ZEB1: variants seen among roughly 807,000 people sequenced by gnomAD.
ZEB1 encodes the protein zinc finger E-box-binding homeobox 1.
ZEB1 carries 21 observed loss-of-function variants against 84.9 expected under a neutral mutation model. That is an observed-to-expected ratio of 0.25 (90% CI 0.18 to 0.36). ZEB1 has a LOEUF of 0.36. Among genes scored for constraint, ZEB1 ranks in the 10% least tolerant of loss-of-function variants. ZEB1 has a pLI of 1.00. For synonymous variants in ZEB1, 420 were observed against 471.1 expected, an observed-to-expected ratio of 0.89 and a Z score of 1.41; for missense variants, 1,104 against 1,330.2, an observed-to-expected ratio of 0.83 and a Z score of 2.65.
chr10:31,326,354 A>G (rs1181322986), intron 1 of ZEB1, among the ~76,000 whole-genome samples: 5 of 152,088 alleles, frequency 3.3e-5, no homozygotes, highest in African/African-American at 7.2e-5. Flanking sequence ...TTAAGTTGCT[A>G]TTTGCTCCTA....
At chr10:31,391,427 A>T (rs917452243) in intron 1 of ZEB1, among the ~76,000 whole-genome samples, 1 of 152,012 alleles carries the variant, frequency 6.6e-6, no homozygotes, top group African/African-American at 2.4e-5. Context: ...GTTGGTGGTG[A>T]TGGTGGAGTT....
At chr10:31,325,457 A>G (rs957041976) in intron 1 of ZEB1, among the ~76,000 whole-genome samples, 1 of 152,074 alleles carries the variant, frequency 6.6e-6, no homozygotes, top group East Asian at 1.9e-4. Context: ...ATCTGTCCAT[A>G]TGCACATTTC....
intron 3 of ZEB1, among the ~76,000 whole-genome samples, chr10:31,497,108 T>C (rs934916750): frequency 5.9e-5 from 9 of 152,222 alleles, no homozygotes; most frequent in African/African-American, 2.2e-4. Flanking sequence ...CTATAGAATA[T>C]GTAAAATATT....
rs369359475 is a variant in ZEB1, at chr10:31,410,875, G to T, written c.59-50162G>T. On this transcript the variant is annotated intron_variant, in intron 1 of 8. Transcript: ENST00000424869. The stretch of plus-strand genomic sequence containing the variant: ...TATCCCCTTTATCATTTTTTATTGT[G>T]TCTGTTTGATTCTTCTCTATTAGTC... 7.8e-4 allele frequency among the ~76,000 whole-genome samples: 118 copies of T among 152,054 alleles called. 2 individuals are homozygous for T. The East Asian group carries it at 0.015, about 19-fold the overall frequency.
chr10:31,504,044 A>G (rs1260114320), intron 4 of ZEB1, among the ~76,000 whole-genome samples: 2 of 151,788 alleles, frequency 1.3e-5, no homozygotes, highest in Admixed American at 1.3e-4. Flanking sequence ...GCCTACCCAA[A>G]TGTCCTGAGT....
chr10:31,440,053 T>G (rs774678951), intron 1 of ZEB1, among the ~76,000 whole-genome samples: 19 of 152,154 alleles, frequency 1.2e-4, no homozygotes, highest in Non-Finnish European at 2.2e-4. Flanking sequence ...AGGTAGTTAG[T>G]GGCAGGGAAT....
intron 2 of ZEB1, among the ~76,000 whole-genome samples, chr10:31,475,976 A>T (rs1295207442): frequency 1.3e-5 from 2 of 152,104 alleles, no homozygotes; most frequent in Non-Finnish European, 2.9e-5. Flanking sequence ...TATTCCATTT[A>T]AAAAATAAAC....
intron 2 of ZEB1, among the ~76,000 whole-genome samples, chr10:31,466,561 A>G (rs1329787967): frequency 6.6e-6 from 1 of 152,214 alleles, no homozygotes; most frequent in Non-Finnish European, 1.5e-5. Flanking sequence ...TCTTGAAACA[A>G]ACAAAAATGG....
chr10:31,362,909 G>C, intron 1 of ZEB1: 1 of 1,443,584 alleles, frequency 6.9e-7, no homozygotes, highest in South Asian at 1.2e-5. Context: ...ATGTTCTTAC[G>C]CATGTTGCCA....
intron 1 of ZEB1, among the ~76,000 whole-genome samples, chr10:31,338,871 T>A: frequency 6.6e-6 from 1 of 152,186 alleles, no homozygotes; most frequent in East Asian, 1.9e-4. Flanking sequence ...ATAAATTTGA[T>A]ATTTATACAT....
At chr10:31,404,300 T>C (rs1294047038) in intron 1 of ZEB1, among the ~76,000 whole-genome samples, 1 of 152,100 alleles carries the variant, frequency 6.6e-6, no homozygotes, top group African/African-American at 2.4e-5. Context: ...TGAATAGTTT[T>C]TTGTTAATAA....
intron 4 of ZEB1, 45 bp downstream of exon 4, chr10:31,502,554 T>C (rs192044438): frequency 6.2e-7 from 1 of 1,612,548 alleles, no homozygotes; most frequent in Non-Finnish European, 8.5e-7. Context: ...CTTTAAAGGA[T>C]TCTTGTTTCT....
At chr10:31,346,382 T>G (rs1435593805) in intron 1 of ZEB1, among the ~76,000 whole-genome samples, 1 of 152,172 alleles carries the variant, frequency 6.6e-6, no homozygotes. Context: ...GTGGAAACTT[T>G]AGACCCAAAA....
chr10:31,414,572 T>A (rs949476903), intron 1 of ZEB1, among the ~76,000 whole-genome samples: 2 of 152,216 alleles, frequency 1.3e-5, no homozygotes, highest in African/African-American at 4.8e-5. Flanking sequence ...ATTTTAGTTA[T>A]GAAATTTACT....
rs575835637 is a variant in ZEB1, at chr10:31,385,768, C to T, written c.58+66476C>T. ...GTCTCGAACTCCTGACCTCGTAATC[C>T]GCCAGCCTCAGCCTCTCAAAGTGCT... On this transcript the variant is annotated intron_variant, in intron 1 of 8. Transcript: ENST00000424869. Among the ~76,000 whole-genome samples, 32 of 152,132 alleles carry T rather than the reference C, an allele frequency of 2.1e-4. No individual in the cohort carries two copies. In the East Asian group the frequency reaches 3.7e-3, roughly 17 times the overall value.
Position 31,526,863 on chromosome 10 carries a change from G to T in ZEB1, c.2977G>T (p.Glu993Ter), listed in dbSNP as rs1319631948. 6.2e-7 allele frequency: 1 copy of T among 1,614,164 alleles called. No homozygotes were observed. Residue 993 changes from glutamate to a stop codon, truncating the protein, a stop_gained, in exon 9 of 9, where the codon GAA (glutamate) becomes TAA (stop). Transcript: ENST00000424869. LOFTEE classifies it low-confidence loss of function (END_TRUNC). The stretch of plus-strand genomic sequence containing the variant: ...CTCCTACTGTAAGAGAGAAGCGGAA[G>T]AACGTGACAGCACAGAGCAGGAAGA... The part of the protein sequence containing the change: ...RYSYCKREAE[E>*]RDSTEQEEAG...
chr10:31,453,998 T>A lies in ZEB1; in HGVS notation c.59-7039T>A, dbSNP rs111435830. Among the ~76,000 whole-genome samples, 104 of 152,104 alleles carry A rather than the reference T, an allele frequency of 6.8e-4. 2 individuals are homozygous for A. The highest frequency in any genetic ancestry group is 2.4e-3 in the African/African-American group (101 of 41,492). ...CCAGTATCCCTGATGAACATCGATG[T>A]GAAAATCCTCAATAAAATACTGGCA... On this transcript the variant is annotated intron_variant, in intron 1 of 8. Coordinates refer to ENST00000424869, the MANE Select transcript of ZEB1 (RefSeq NM_001174096.2).
chr10:31,472,221 C>A (rs1379787016), intron 2 of ZEB1, among the ~76,000 whole-genome samples: 1 of 151,632 alleles, frequency 6.6e-6, no homozygotes, highest in Admixed American at 6.6e-5. Context: ...CAGAGCAGAA[C>A]TGAAGGAAAT....
chr10:31,328,539 G>GA (rs944496834), intron 1 of ZEB1, among the ~76,000 whole-genome samples: 6 of 152,134 alleles, frequency 3.9e-5, no homozygotes, highest in African/African-American at 1.4e-4. Context: ...ACTACCATCT[G>GA]AAAGGGGGTT....
Sources: allele counts gnomAD v4.1 joint callset (sites outside exome capture counted in the v4.1 genomes callset), GRCh38; gene constraint gnomAD v4.1.1; transcripts MANE v1.5; gene names NCBI Gene and HGNC (gene_info 2026-07-23, HGNC 2026-07-21).